Variants in PKP1 observed in about 807,000 individuals in gnomAD.
The protein encoded by PKP1 is plakophilin 1, also known as plakophilin-1.
A neutral mutation model predicts 76.4 loss-of-function variants in PKP1; 27 were observed. The observed-to-expected ratio is 0.35, with a 90% CI of 0.26 to 0.49. PKP1 has a LOEUF of 0.49. Among genes scored for constraint, PKP1 ranks in the 20% least tolerant of loss-of-function variants. The pLI, the probability that PKP1 is intolerant of heterozygous loss-of-function variation, is 0.99. For synonymous variants in PKP1, 404 were observed against 384.2 expected, an observed-to-expected ratio of 1.05 and a Z score of -0.60; for missense variants, 964 against 955.2, an observed-to-expected ratio of 1.01 and a Z score of -0.12.
intron 1 of PKP1, among the ~76,000 whole-genome samples, chr1:201,289,256 G>A (rs1305535442): frequency 6.6e-6 from 1 of 152,226 alleles, no homozygotes; most frequent in Non-Finnish European, 1.5e-5. Context: ...TCCTATTGCT[G>A]TGGGCCTAGC....
chr1:201,291,835 CCTGA>C (rs1156517200), intron 1 of PKP1, among the ~76,000 whole-genome samples: 1 of 152,206 alleles, frequency 6.6e-6, no homozygotes. Flanking sequence ...CACCTAGGGT[CCTGA>C]CTATGAGTGT....
chr1:201,303,065 A>G lies in PKP1; in HGVS notation c.306+9020A>G, dbSNP rs111612806. Reference sequence around the variant, plus strand: ...GGTACTTTTGCCACTACGGGCAATCATGTTTCCCAGACATTCGTCATTTGC... The same window carrying G: ...GGTACTTTTGCCACTACGGGCAATCGTGTTTCCCAGACATTCGTCATTTGC... On this transcript the variant is annotated intron_variant, in intron 2 of 13. Transcript: ENST00000367324. Among the ~76,000 whole-genome samples the G allele has an allele frequency of 8.0e-3, 1,224 of 152,332 alleles. 19 individuals carry two copies. Among genetic ancestry groups the G allele is most frequent in the African/African-American group, 0.028 (1,145 of 41,572 alleles).
chr1:201,303,964 CTTT>C lies in PKP1; in HGVS notation c.307-9198_307-9196del, dbSNP rs551158980. 4.0e-3 allele frequency among the ~76,000 whole-genome samples: 607 copies of C among 152,336 alleles called. 4 individuals carry two copies. The highest frequency in any genetic ancestry group is 6.5e-3 in the Non-Finnish European group (441 of 68,030). ...GACCTGCCCCACGCCTGGCTGAACA[CTTT>C]TTTAACTGGCACATTTAAGGTGGAT... On this transcript the variant is annotated intron_variant, in intron 2 of 13. Transcript: ENST00000367324.
At chr1:201,311,487 G>A (rs911129521) in intron 2 of PKP1, among the ~76,000 whole-genome samples, 1 of 152,186 alleles carries the variant, frequency 6.6e-6, no homozygotes, top group African/African-American at 2.4e-5. Context: ...TGGCTTCTGA[G>A]TTTTGGATGC....
chr1:201,330,170 A>G lies in PKP1; in HGVS notation c.*129A>G, dbSNP rs1213665427. 2 of 152,184 alleles carry G rather than the reference A, an allele frequency of 1.3e-5. No individual in the cohort carries two copies. Among genetic ancestry groups the G allele is most frequent in the East Asian group, 1.9e-4 (1 of 5,166 alleles). The allele number at this position is 152,184 out of a possible 1,614,324, so 9.4% of individuals were successfully genotyped here. On this transcript the variant is annotated 3_prime_UTR_variant, in exon 14 of 14. Transcript: ENST00000367324. Reference sequence around the variant, plus strand: ...TGGGAAAGTTCACAAGAAACTGAGAAGAAACCTAAAAACTGTGGATAGTGG... The same window carrying G: ...TGGGAAAGTTCACAAGAAACTGAGAGGAAACCTAAAAACTGTGGATAGTGG...
intron 3 of PKP1, chr1:201,316,229 G>A (rs915791014): frequency 9.9e-6 from 3 of 302,790 alleles, no homozygotes; most frequent in Non-Finnish European, 1.8e-5. Flanking sequence ...CAAGAGAGAT[G>A]GCAAGGTAGG....
chr1:201,314,671 G>A lies in PKP1; in HGVS notation c.701+1111G>A, dbSNP rs145303314. Among the ~76,000 whole-genome samples the A allele has an allele frequency of 2.4e-4, 37 of 152,334 alleles. No homozygotes were observed. The East Asian group carries it at 2.9e-3, about 12-fold the overall frequency. ...AGTGACACTGAGCCTGCCCTTCAGG[G>A]CTGGGGGCTCCCTGAACCTTTGAAC... On this transcript the variant is annotated intron_variant, in intron 3 of 13. Coordinates refer to ENST00000367324, the MANE Select transcript of PKP1 (RefSeq NM_001005337.3).
intron 2 of PKP1, among the ~76,000 whole-genome samples, chr1:201,311,877 C>A (rs749284914): frequency 6.6e-6 from 1 of 152,260 alleles, no homozygotes; most frequent in Non-Finnish European, 1.5e-5. Context: ...AGCTTGTGAG[C>A]TCCTGGGAAA....
Position 201,330,363 on chromosome 1 carries a change from A to G in PKP1, c.*322A>G, listed in dbSNP as rs898246005. ...GTGTATAATGTAAGTGTGTGCATGCATGTGCGCGTGCATGTGTGTGTGTGT... is the reference window on the plus strand; with the variant it reads ...GTGTATAATGTAAGTGTGTGCATGCGTGTGCGCGTGCATGTGTGTGTGTGT... On this transcript the variant is annotated 3_prime_UTR_variant, in exon 14 of 14. Coordinates refer to ENST00000367324, the MANE Select transcript of PKP1 (RefSeq NM_001005337.3). 1 of 152,192 alleles carries G rather than the reference A, an allele frequency of 6.6e-6. No individual in the cohort carries two copies. Among genetic ancestry groups the G allele is most frequent in the Non-Finnish European group, 1.5e-5 (1 of 68,084 alleles). The allele number at this position is 152,192 out of a possible 1,614,324, so 9.4% of individuals were successfully genotyped here. A position where few individuals can be genotyped will look rare whatever the true frequency, so the allele number is the denominator to read the frequency against.
intron 12 of PKP1, among the ~76,000 whole-genome samples, chr1:201,326,503 C>T (rs919030464): frequency 9.9e-5 from 15 of 152,208 alleles, no homozygotes; most frequent in Admixed American, 5.9e-4. Flanking sequence ...TAAGCATGGA[C>T]ATAAAGGACA....
At chr1:201,315,722 T>A (rs1244834669) in intron 3 of PKP1, among the ~76,000 whole-genome samples, 2 of 152,198 alleles carry the variant, frequency 1.3e-5, no homozygotes, top group South Asian at 2.1e-4. Context: ...ACTACAGACA[T>A]TTCCTATGAT....
intron 5 of PKP1, among the ~76,000 whole-genome samples, 159 bp downstream of exon 5, chr1:201,317,938 C>A (rs1656813621): frequency 6.6e-6 from 1 of 152,192 alleles, no homozygotes; most frequent in Non-Finnish European, 1.5e-5. Context: ...GTGACACTGG[C>A]CTTGGCCCAA....
chr1:201,296,605 G>A (rs1235135768), intron 2 of PKP1, among the ~76,000 whole-genome samples: 3 of 152,232 alleles, frequency 2.0e-5, no homozygotes, highest in Admixed American at 1.3e-4. Flanking sequence ...AGTGAGTGAG[G>A]TGCGCTACAG....
chr1:201,284,354 C>T (rs1269136219), intron 1 of PKP1, among the ~76,000 whole-genome samples: 1 of 152,236 alleles, frequency 6.6e-6, no homozygotes, highest in Non-Finnish European at 1.5e-5. Flanking sequence ...TGTGGGCCAC[C>T]CTTCACCCTT....
rs571385299 is a variant in PKP1 at position 201,289,195 on chromosome 1, G to A, written c.203-4747G>A. Among the ~76,000 whole-genome samples, 3 of 152,262 alleles carry A rather than the reference G, an allele frequency of 2.0e-5. No homozygotes were observed. In the South Asian group the frequency reaches 6.2e-4, roughly 32 times the overall value. ...CTGCCCACTCCGAAACACCTCTGAG[G>A]GTATTCTCTCAGCAGTAGCTTCCTG... On this transcript the variant is annotated intron_variant, in intron 1 of 13. Transcript: ENST00000367324.
At chr1:201,286,298 G>C (rs1418403483) in intron 1 of PKP1, among the ~76,000 whole-genome samples, 2 of 152,066 alleles carry the variant, frequency 1.3e-5, no homozygotes. Flanking sequence ...GTTTACCTAG[G>C]GTCTTCTTGA....
intron 12 of PKP1, 164 bp from the exon 13 acceptor site, chr1:201,328,598 T>C: frequency 1.4e-6 from 1 of 699,384 alleles, no homozygotes; most frequent in Non-Finnish European, 2.6e-6. Flanking sequence ...TTATGTTTTG[T>C]TACACAGTTA....
At chr1:201,329,841 C>T (rs1450252465) in intron 13 of PKP1, among the ~76,000 whole-genome samples, 1 of 152,210 alleles carries the variant, frequency 6.6e-6, no homozygotes, top group African/African-American at 2.4e-5. Flanking sequence ...CACCTTCTTT[C>T]TTAGTGAGGA....
chr1:201,285,245 C>T (rs1412977231), intron 1 of PKP1, among the ~76,000 whole-genome samples: 1 of 151,532 alleles, frequency 6.6e-6, no homozygotes, highest in East Asian at 1.9e-4. Flanking sequence ...CACACACACA[C>T]ACACACACAC....
Sources: allele counts gnomAD v4.1 joint callset (sites outside exome capture counted in the v4.1 genomes callset), GRCh38; gene constraint gnomAD v4.1.1; transcripts MANE v1.5; gene names NCBI Gene and HGNC (gene_info 2026-07-23, HGNC 2026-07-21).